USP47: variants seen among roughly 807,000 people sequenced by gnomAD.
USP47 encodes the protein ubiquitin carboxyl-terminal hydrolase 47.
USP47 carries 35 observed loss-of-function variants against 165.1 expected under a neutral mutation model. The observed-to-expected ratio is 0.21, with a 90% CI of 0.16 to 0.28. The LOEUF is 0.28. USP47 is among the 10% of genes least tolerant of loss of function. The probability of loss-of-function intolerance (pLI) is 1.00; values close to 1 mark genes in which losing one functional copy is unlikely to be tolerated. For synonymous variants in USP47, 531 were observed against 544.5 expected, an observed-to-expected ratio of 0.98 and a Z score of 0.35; for missense variants, 1,277 against 1,607.4, an observed-to-expected ratio of 0.79 and a Z score of 3.52.
intron 4 of USP47, among the ~76,000 whole-genome samples, chr11:11,895,710 G>C (rs79514322): frequency 6.6e-6 from 1 of 152,124 alleles, no homozygotes; most frequent in Admixed American, 6.5e-5. Flanking sequence ...GAACTTACAA[G>C]TGATTAGAAA....
At chr11:11,935,407 C>T (rs72632960) in intron 16 of USP47, among the ~76,000 whole-genome samples, 11,033 of 151,820 alleles carry the variant, frequency 0.073, 557 homozygotes, top group East Asian at 0.24. Flanking sequence ...GGTAAAAATT[C>T]TTTAAATATA....
At chr11:11,924,751 A>G (rs927423296) in intron 11 of USP47, among the ~76,000 whole-genome samples, 2 of 151,180 alleles carry the variant, frequency 1.3e-5, no homozygotes, top group African/African-American at 4.8e-5. Flanking sequence ...GAGTTGTACA[A>G]AGTATTCTTT....
intron 8 of USP47, among the ~76,000 whole-genome samples, chr11:11,911,060 C>G (rs1852940163): frequency 6.6e-6 from 1 of 152,048 alleles, no homozygotes; most frequent in Non-Finnish European, 1.5e-5. Context: ...AAATTTGGAA[C>G]TGAAAACTGC....
intron 1 of USP47, among the ~76,000 whole-genome samples, chr11:11,861,511 A>G (rs577721108): frequency 4.1e-4 from 62 of 152,320 alleles, no homozygotes; most frequent in Middle Eastern, 3.4e-3. Flanking sequence ...ATTCTTTTAA[A>G]GTTCTGAAAC....
intron 1 of USP47, 119 bp downstream of exon 1, chr11:11,842,343 G>A: frequency 8.7e-7 from 1 of 1,147,924 alleles, no homozygotes; most frequent in African/African-American, 1.6e-5. Flanking sequence ...GGGGGAATGA[G>A]GAGGCGTGAG....
At chr11:11,941,663 C>T (rs1160503663) in intron 19 of USP47, among the ~76,000 whole-genome samples, 1 of 151,928 alleles carries the variant, frequency 6.6e-6, no homozygotes, top group African/African-American at 2.4e-5. Context: ...AGGATCATAT[C>T]ATTTCATCTA....
chr11:11,870,103 T>G (rs1431983490), intron 1 of USP47, among the ~76,000 whole-genome samples: 1 of 152,072 alleles, frequency 6.6e-6, no homozygotes, highest in Non-Finnish European at 1.5e-5. Context: ...ATCTTTTACT[T>G]GTTTTCCTGT....
chr11:11,851,257 C>A (rs903387402), intron 1 of USP47, among the ~76,000 whole-genome samples: 3 of 148,506 alleles, frequency 2.0e-5, no homozygotes, highest in Admixed American at 6.7e-5. Context: ...CCTTCAAATT[C>A]AATTGAGCAT....
intron 20 of USP47, among the ~76,000 whole-genome samples, chr11:11,946,003 A>G (rs975573442): frequency 6.6e-6 from 1 of 152,038 alleles, no homozygotes; most frequent in Admixed American, 6.6e-5. Flanking sequence ...AGAAAGGACC[A>G]AAAAGGAAAA....
At chr11:11,926,127 T>A (rs1854224943) in intron 11 of USP47, among the ~76,000 whole-genome samples, 1 of 152,342 alleles carries the variant, frequency 6.6e-6, no homozygotes, top group East Asian at 1.9e-4. Context: ...TGAATATTCA[T>A]CAAAGAGATA....
chr11:11,891,850 C>T (rs1003644094), intron 3 of USP47, 118 bp from the exon 4 acceptor site: 2 of 1,259,542 alleles, frequency 1.6e-6, no homozygotes, highest in Middle Eastern at 2.3e-4. Flanking sequence ...GGGGCATGAG[C>T]ACCTTTCCAG....
At position 11,894,515 on chromosome 11, in the gene USP47, C is replaced by T. The variant is rs960001893; in HGVS notation, c.496+2409C>T. 3.3e-5 allele frequency among the ~76,000 whole-genome samples: 5 copies of T among 152,126 alleles called. No homozygotes were observed. The South Asian group carries it at 8.3e-4, about 25-fold the overall frequency. ...ACTTCCCAAAATGCTGATATAGCTG[C>T]TCTGTAGTAGGCTGGAAGAAATTGC... On this transcript the variant is annotated intron_variant, in intron 4 of 27. Coordinates refer to ENST00000527733, the MANE Select transcript of USP47 (RefSeq NM_001282659.2).
At chr11:11,929,390 G>T (rs61870733) in intron 11 of USP47, 44 bp from the exon 12 acceptor site, 6 of 1,598,800 alleles carry the variant, frequency 3.8e-6, no homozygotes, top group Non-Finnish European at 5.1e-6. Context: ...AATAAGGGTT[G>T]TGTTTTCCTT....
chr11:11,880,026 C>G, intron 1 of USP47, 151 bp from the exon 2 acceptor site: 2 of 535,614 alleles, frequency 3.7e-6, no homozygotes, highest in Non-Finnish European at 6.1e-6. Flanking sequence ...GAATGCGTTT[C>G]AGACTACGAT....
intron 3 of USP47, among the ~76,000 whole-genome samples, chr11:11,889,608 A>G (rs1851382886): frequency 6.6e-6 from 1 of 152,202 alleles, no homozygotes; most frequent in South Asian, 2.1e-4. Flanking sequence ...AAGAATCAAT[A>G]TCTTGTTAAT....
At chr11:11,918,446 CA>C (rs1240419099) in intron 8 of USP47, among the ~76,000 whole-genome samples, 1 of 151,864 alleles carries the variant, frequency 6.6e-6, no homozygotes, top group East Asian at 1.9e-4. Context: ...AGTACTTTAT[CA>C]GTATTAAATT....
At chr11:11,893,869 G>A (rs890196771) in intron 4 of USP47, among the ~76,000 whole-genome samples, 7 of 152,044 alleles carry the variant, frequency 4.6e-5, no homozygotes, top group Non-Finnish European at 8.8e-5. Context: ...GTAATCTTTC[G>A]TTTACTATAT....
intron 2 of USP47, among the ~76,000 whole-genome samples, chr11:11,880,899 TTGTA>T (rs1486347146): frequency 6.6e-6 from 1 of 152,156 alleles, no homozygotes; most frequent in East Asian, 1.9e-4. Context: ...TTATTTTTCT[TTGTA>T]TGAACATGTG....
chr11:11,874,892 A>G (rs927533923), intron 1 of USP47, among the ~76,000 whole-genome samples: 1 of 152,134 alleles, frequency 6.6e-6, no homozygotes, highest in African/African-American at 2.4e-5. Flanking sequence ...ACCAACAAAA[A>G]TATTCATACT....
Sources: allele counts gnomAD v4.1 joint callset (sites outside exome capture counted in the v4.1 genomes callset), GRCh38; gene constraint gnomAD v4.1.1; transcripts MANE v1.5; gene names NCBI Gene and HGNC (gene_info 2026-07-23, HGNC 2026-07-21).